Variants in URI1 observed in about 807,000 individuals in gnomAD.
URI1 encodes the protein unconventional prefoldin RPB5 interactor 1.
URI1 carries 39 observed loss-of-function variants against 60.2 expected under a neutral mutation model. The observed-to-expected ratio is 0.65, with a 90% CI of 0.50 to 0.85. The LOEUF is 0.85. Among genes scored for constraint, URI1 ranks in the 40% least tolerant of loss-of-function variants. The pLI is 0.00. For missense variants in URI1, 691 were observed against 665.9 expected, an observed-to-expected ratio of 1.04 and a Z score of -0.42; for synonymous variants, 251 against 236.8, an observed-to-expected ratio of 1.06 and a Z score of -0.55.
At chr19:29,958,711 G>A (rs1385624577) in intron 1 of URI1, among the ~76,000 whole-genome samples, 2 of 151,490 alleles carry the variant, frequency 1.3e-5, no homozygotes, top group African/African-American at 4.8e-5. Context: ...TGTAATCCCA[G>A]CACTTTGGGA....
intron 1 of URI1, among the ~76,000 whole-genome samples, chr19:29,944,778 T>C (rs1485307194): frequency 1.3e-5 from 2 of 152,232 alleles, no homozygotes; most frequent in African/African-American, 4.8e-5. Flanking sequence ...TTAATCTATC[T>C]TTATTTAATA....
At chr19:29,948,606 C>G (rs1253414249) in intron 1 of URI1, among the ~76,000 whole-genome samples, 3 of 152,104 alleles carry the variant, frequency 2.0e-5, no homozygotes, top group African/African-American at 7.2e-5. Flanking sequence ...CACCCTTAAT[C>G]CATTTAACCC....
rs2056078646 is a variant in URI1, at chr19:30,015,774, G to A, written c.*705G>A. 1.9e-6 allele frequency: 1 copy of A among 529,770 alleles called. No individual in the cohort carries two copies. Among genetic ancestry groups the A allele is most frequent in the East Asian group, 3.1e-5 (1 of 32,548 alleles). The allele number at this position is 529,770 out of a possible 1,614,324, so 32.8% of individuals were successfully genotyped here. ...TCCTTGATTCATATGTATGCTACAT[G>A]TATCACACAACAGATCTGGAATTCT... On this transcript the variant is annotated 3_prime_UTR_variant, in exon 11 of 11. Transcript: ENST00000392271.
intron 1 of URI1, among the ~76,000 whole-genome samples, chr19:29,932,606 CGTG>C (rs2054931413): frequency 6.7e-6 from 1 of 149,956 alleles, no homozygotes. Flanking sequence ...CGTGAGCCAC[CGTG>C]CCAGGCCCAT....
chr19:30,004,861 T>C lies in URI1; in HGVS notation c.368-500T>C, dbSNP rs570483431. On this transcript the variant is annotated intron_variant, in intron 4 of 10. Transcript: ENST00000392271. ...TGAAAGGCTGTGTGTTGTGTTGTTATGCAGTTTAACTTGGAAATGGTTGAT... is the reference window on the plus strand; with the variant it reads ...TGAAAGGCTGTGTGTTGTGTTGTTACGCAGTTTAACTTGGAAATGGTTGAT... Among the ~76,000 whole-genome samples, 10 of 152,194 alleles carry C rather than the reference T, an allele frequency of 6.6e-5. No individual in the cohort carries two copies. The East Asian group carries it at 1.7e-3, about 26-fold the overall frequency.
chr19:29,960,656 G>A (rs781465942), intron 1 of URI1, among the ~76,000 whole-genome samples: 2 of 151,952 alleles, frequency 1.3e-5, no homozygotes, highest in South Asian at 2.1e-4. Context: ...TTTTGGGTTC[G>A]AAGTGTGTCT....
chr19:30,010,089 C>T (rs1008796887), intron 8 of URI1, among the ~76,000 whole-genome samples: 4 of 152,092 alleles, frequency 2.6e-5, no homozygotes, highest in African/African-American at 9.7e-5. Context: ...ACTGGGAATT[C>T]GTCTAATTCG....
At position 30,009,171 on chromosome 19, in the gene URI1, C is replaced by G; in HGVS notation, c.853C>G (p.Gln285Glu). Residue 285 changes from glutamine to glutamate, a missense_variant, in exon 8 of 11, where the codon CAG (glutamine) becomes GAG (glutamate). Transcript: ENST00000392271. ...SEPFSGQVNS[Q>E]LNCSVNGSSS... Reference sequence around the variant, plus strand: ...ACCATTCAGTGGTCAAGTGAATAGTCAGTTGAACTGTTCAGTGAATGGTTC... The same window carrying G: ...ACCATTCAGTGGTCAAGTGAATAGTGAGTTGAACTGTTCAGTGAATGGTTC... 1.9e-6 allele frequency: 3 copies of G among 1,613,836 alleles called. No individual in the cohort carries two copies. Among genetic ancestry groups the G allele is most frequent in the Non-Finnish European group, 2.5e-6 (3 of 1,179,952 alleles).
At chr19:29,942,762 G>A in intron 1 of URI1, 98 bp downstream of exon 1, 1 of 1,213,144 alleles carries the variant, frequency 8.2e-7, no homozygotes, top group Non-Finnish European at 1.0e-6. Flanking sequence ...CCAGCTGCCC[G>A]GGCCCCCGGA....
chr19:29,945,856 A>G (rs1243149302), intron 1 of URI1, among the ~76,000 whole-genome samples: 1 of 151,496 alleles, frequency 6.6e-6, no homozygotes, highest in East Asian at 1.9e-4. Context: ...GTAAAATTGG[A>G]TGGGATTTTT....
At chr19:29,970,504 T>C (rs1329024546) in intron 1 of URI1, among the ~76,000 whole-genome samples, 1 of 152,156 alleles carries the variant, frequency 6.6e-6, no homozygotes, top group Non-Finnish European at 1.5e-5. Context: ...ATTTTGAGAA[T>C]CTACTGACAT....
At chr19:30,006,482 G>A (rs1197104515) in intron 6 of URI1, among the ~76,000 whole-genome samples, 1 of 152,026 alleles carries the variant, frequency 6.6e-6, no homozygotes, top group Non-Finnish European at 1.5e-5. Context: ...GTGAAATAAA[G>A]GATATGTATA....
intron 1 of URI1, among the ~76,000 whole-genome samples, chr19:29,957,475 C>G (rs1238326947): frequency 2.0e-5 from 3 of 151,982 alleles, no homozygotes; most frequent in African/African-American, 4.8e-5. Flanking sequence ...CTCTGTTTCT[C>G]TATTCTGTTC....
At chr19:29,965,595 C>G (rs2055382551) in intron 1 of URI1, among the ~76,000 whole-genome samples, 1 of 152,184 alleles carries the variant, frequency 6.6e-6, no homozygotes, top group African/African-American at 2.4e-5. Context: ...CTACATGGCC[C>G]TACCTCATGG....
chr19:29,938,898 G>A (rs1281541205), upstream of URI1, among the ~76,000 whole-genome samples: 4 of 151,078 alleles, frequency 2.6e-5, no homozygotes, highest in Admixed American at 6.6e-5. Context: ...GGATGATCTC[G>A]ATCTCCTGAC....
chr19:29,926,233 CTCCTTCCTTCCTTCCTTCCT>C (rs35040318), intron 1 of URI1, among the ~76,000 whole-genome samples: 70 of 131,682 alleles, frequency 5.3e-4, no homozygotes, highest in African/African-American at 1.6e-3. Context: ...TTCTTCCTCT[CTCCTTCCTTCCTTCCTTCCT>C]TCCTTCCTTC....
chr19:29,952,232 A>C (rs539635844), intron 1 of URI1, among the ~76,000 whole-genome samples: 1 of 152,252 alleles, frequency 6.6e-6, no homozygotes, highest in East Asian at 1.9e-4. Flanking sequence ...ATTTAAACAC[A>C]GCAGTTCTCT....
intron 1 of URI1, among the ~76,000 whole-genome samples, chr19:29,931,096 T>C (rs2054913403): frequency 6.6e-6 from 1 of 152,128 alleles, no homozygotes; most frequent in Non-Finnish European, 1.5e-5. Flanking sequence ...TTCGGTTATT[T>C]TGGTTATTTG....
intron 1 of URI1, among the ~76,000 whole-genome samples, chr19:29,950,467 A>G (rs1599665900): frequency 6.6e-6 from 1 of 152,352 alleles, no homozygotes; most frequent in East Asian, 1.9e-4. Context: ...GAAAAATTAT[A>G]AAAGTACAGG....
Sources: gnomAD v4.1 joint callset for allele counts (sites outside exome capture counted in the v4.1 genomes callset) on GRCh38, gnomAD v4.1.1 for gene constraint, MANE v1.5 for transcripts, NCBI Gene and HGNC (gene_info 2026-07-23, HGNC 2026-07-21) for gene names.